The following FRMD4A variants were observed in gnomAD, a reference collection of about 807,000 sequenced individuals.
FRMD4A encodes FERM domain-containing protein 4A.
FRMD4A carries 29 observed loss-of-function variants against 129.1 expected under a neutral mutation model. That is an observed-to-expected ratio of 0.22 (90% CI 0.17 to 0.31). The LOEUF is 0.31. Among genes scored for constraint, FRMD4A ranks in the 10% least tolerant of loss-of-function variants. The pLI, the probability that FRMD4A is intolerant of heterozygous loss-of-function variation, is 1.00. For synonymous variants in FRMD4A, 634 were observed against 571.6 expected, an observed-to-expected ratio of 1.11 and a Z score of -1.56; for missense variants, 1,272 against 1,375.8, an observed-to-expected ratio of 0.92 and a Z score of 1.19.
intron 6 of FRMD4A, among the ~76,000 whole-genome samples, chr10:13,777,183 C>G (rs765190736): frequency 6.6e-5 from 10 of 152,184 alleles, no homozygotes; most frequent in Non-Finnish European, 8.8e-5. Context: ...CTTTCATGAT[C>G]TTTACACTGA....
intron 2 of FRMD4A, among the ~76,000 whole-genome samples, chr10:14,320,567 C>G (rs1044455995): frequency 6.6e-6 from 1 of 152,224 alleles, no homozygotes; most frequent in African/African-American, 2.4e-5. Flanking sequence ...ACACCTGTCC[C>G]TGCCCCTGCC....
At chr10:14,202,500 C>G (rs751317968) in intron 2 of FRMD4A, among the ~76,000 whole-genome samples, 4 of 152,094 alleles carry the variant, frequency 2.6e-5, no homozygotes, top group Non-Finnish European at 5.9e-5. Context: ...CTCCTGGGTT[C>G]AAGCGATTCT....
At chr10:13,761,076 G>T (rs1357769845) in intron 8 of FRMD4A, among the ~76,000 whole-genome samples, 1 of 152,108 alleles carries the variant, frequency 6.6e-6, no homozygotes, top group Non-Finnish European at 1.5e-5. Context: ...TGACAAGTTT[G>T]CAGTTTTACA....
intron 3 of FRMD4A, among the ~76,000 whole-genome samples, chr10:13,856,008 C>T (rs934354565): frequency 3.5e-5 from 5 of 141,282 alleles, no homozygotes; most frequent in African/African-American, 1.4e-4. Flanking sequence ...TTACCACACA[C>T]AAATACTATC....
chr10:14,198,399 T>C (rs1460803161), intron 2 of FRMD4A, among the ~76,000 whole-genome samples: 2 of 152,084 alleles, frequency 1.3e-5, no homozygotes, highest in African/African-American at 4.8e-5. Flanking sequence ...CCAGGCGGAA[T>C]AGAAACAAGG....
Position 13,656,919 on chromosome 10 carries a change from C to CTCG in FRMD4A, c.2667_2669dup (p.Asp889dup). 1 of 1,494,894 alleles carries CTCG rather than the reference C, an allele frequency of 6.7e-7. No individual in the cohort carries two copies. The highest frequency in any genetic ancestry group is 8.9e-7 in the Non-Finnish European group (1 of 1,128,346). The allele number at this position is 1,494,894 out of a possible 1,614,324, so 92.6% of individuals were successfully genotyped here. A position where few individuals can be genotyped will look rare whatever the true frequency, so the allele number is the denominator to read the frequency against. On this transcript the variant is annotated inframe_insertion, in exon 22 of 25. Coordinates refer to ENST00000357447, the MANE Select transcript of FRMD4A (RefSeq NM_018027.5). ...ACGGCGTCAGGCGGCCCGTGTCGCC[C>CTCG]TCGTCGCCGCCGCCGCCGCGCCAGC...
At chr10:13,829,438 C>G (rs2093756214) in intron 3 of FRMD4A, among the ~76,000 whole-genome samples, 2 of 152,000 alleles carry the variant, frequency 1.3e-5, no homozygotes, top group Admixed American at 1.3e-4. Context: ...TGCTGTGAGC[C>G]ATGATTGTGC....
chr10:14,128,493 C>T (rs532124686), intron 2 of FRMD4A, among the ~76,000 whole-genome samples: 1 of 152,300 alleles, frequency 6.6e-6, no homozygotes, highest in South Asian at 2.1e-4. Flanking sequence ...GCCCTATTAG[C>T]ATAGCCATAT....
In FRMD4A at chr10:14,240,004, AC is replaced by A. The variant is rs1191557974; in HGVS notation, c.45+90053del. The stretch of plus-strand genomic sequence containing the variant: ...CATTACATCATGAGATACTTGGTGA[AC>A]TGTAAATCAAATCATGTATTGATTT... On this transcript the variant is annotated intron_variant, in intron 2 of 24. Coordinates refer to ENST00000357447, the MANE Select transcript of FRMD4A (RefSeq NM_018027.5). Among the ~76,000 whole-genome samples the A allele has an allele frequency of 3.9e-5, 6 of 152,304 alleles. No homozygotes were observed. The East Asian group carries it at 1.2e-3, about 29-fold the overall frequency.
intron 2 of FRMD4A, among the ~76,000 whole-genome samples, chr10:13,881,993 GTGTGTGTGTGTGTGTGTGTGT>G (rs768697472): frequency 0.52 from 76,063 of 146,128 alleles, 20,591 homozygotes; most frequent in Middle Eastern, 0.59. Flanking sequence ...AGGCAAGGGT[GTGTGTGTGTGTGTGTGTGTGT>G]GTGTGTGTGT....
rs562910285 is a variant in FRMD4A at position 13,656,641 on chromosome 10, G to A, written c.2948C>T (p.Thr983Met). Residue 983 changes from threonine to methionine, a missense_variant, in exon 22 of 25, where the codon ACG (threonine) becomes ATG (methionine). By Grantham distance (81) the Thr-to-Met change is moderately conservative (BLOSUM62 -1). Around this residue, in one of 2 missense-constraint regions of FRMD4A, gnomAD observed 972 missense variants for 892.3 expected, o/e 1.09. Transcript: ENST00000357447. The stretch of plus-strand genomic sequence containing the variant: ...ACCTGGCCGCCCCCTCTCACCTGAC[G>A]TGGCCTTGCACATCTGGGGCATCCT... ...VTRMPQMCKA[T>M]SAALPQSQRS... 1.0e-5 allele frequency: 15 copies of A among 1,438,592 alleles called. No homozygotes were observed. Among genetic ancestry groups the A allele is most frequent in the African/African-American group, 2.9e-5 (2 of 68,654 alleles). 89.1% of individuals were successfully genotyped at this position (1,438,592 alleles called of 1,614,324 possible). A position where few individuals can be genotyped will look rare whatever the true frequency, so the allele number is the denominator to read the frequency against.
intron 2 of FRMD4A, among the ~76,000 whole-genome samples, chr10:14,020,604 C>T (rs1204559944): frequency 6.6e-6 from 1 of 152,190 alleles, no homozygotes; most frequent in East Asian, 1.9e-4. Context: ...TCTCAAACCC[C>T]ATGGGGCATC....
intron 3 of FRMD4A, among the ~76,000 whole-genome samples, chr10:13,853,206 G>A (rs1341715269): frequency 1.3e-5 from 2 of 152,162 alleles, no homozygotes; most frequent in African/African-American, 4.8e-5. Flanking sequence ...TTGAGGGGAT[G>A]GAGAGCACTC....
chr10:13,970,797 C>T (rs2131382034), intron 2 of FRMD4A, among the ~76,000 whole-genome samples: 2 of 152,334 alleles, frequency 1.3e-5, no homozygotes, highest in East Asian at 3.9e-4. Flanking sequence ...GGCTTAATGC[C>T]ACCAAACTGG....
At chr10:14,156,568 T>C (rs1293634065) in intron 2 of FRMD4A, among the ~76,000 whole-genome samples, 1 of 152,020 alleles carries the variant, frequency 6.6e-6, no homozygotes, top group African/African-American at 2.4e-5. Flanking sequence ...GGGAGGGAGA[T>C]AATGAGGGAA....
intron 22 of FRMD4A, among the ~76,000 whole-genome samples, chr10:13,656,337 T>G (rs1435644924): frequency 6.7e-6 from 1 of 148,340 alleles, no homozygotes; most frequent in African/African-American, 2.6e-5. Context: ...TTACTTTACC[T>G]AACTAACTTT....
intron 3 of FRMD4A, among the ~76,000 whole-genome samples, chr10:13,848,782 A>T (rs543996110): frequency 1.3e-5 from 2 of 152,302 alleles, no homozygotes; most frequent in South Asian, 4.1e-4. Context: ...TTTTCTACAA[A>T]GGCCTTGGCT....
At chr10:14,287,054 G>T (rs1043922016) in intron 2 of FRMD4A, among the ~76,000 whole-genome samples, 6 of 152,216 alleles carry the variant, frequency 3.9e-5, no homozygotes, top group African/African-American at 1.2e-4. Flanking sequence ...TAATAAAATT[G>T]CAAAGCAGGC....
At chr10:13,649,344 G>C (rs1477620603) in intron 24 of FRMD4A, 1 of 127,814 alleles carries the variant, frequency 7.8e-6, no homozygotes, top group Admixed American at 7.2e-5. Context: ...GGTATGTGAA[G>C]AGCCTAACTG....
Sources: allele counts gnomAD v4.1 joint callset (sites outside exome capture counted in the v4.1 genomes callset), GRCh38; gene constraint gnomAD v4.1.1; regional missense constraint gnomAD v4.1.1; transcripts MANE v1.5; gene names NCBI Gene and HGNC (gene_info 2026-07-23, HGNC 2026-07-21).